Variants in PTPRT observed in about 807,000 individuals in gnomAD.
PTPRT encodes protein tyrosine phosphatase receptor type T, also known as receptor-type tyrosine-protein phosphatase T.
A neutral mutation model predicts 176.8 loss-of-function variants in PTPRT; 56 were observed. The observed-to-expected ratio is 0.32, with a 90% CI of 0.26 to 0.40. The LOEUF (loss-of-function observed/expected upper bound fraction) is 0.40. PTPRT is among the 10% of genes least tolerant of loss of function. PTPRT has a pLI of 1.00. For synonymous variants in PTPRT, 783 were observed against 739.0 expected, an observed-to-expected ratio of 1.06 and a Z score of -0.96; for missense variants, 1,540 against 1,908.2, an observed-to-expected ratio of 0.81 and a Z score of 3.60.
intron 1 of PTPRT, among the ~76,000 whole-genome samples, chr20:43,160,000 T>C (rs1209899622): frequency 6.2e-5 from 5 of 80,306 alleles, no homozygotes; most frequent in Non-Finnish European, 1.7e-4. Context: ...TACTTCCCCC[T>C]GCAAAAAAAA....
chr20:42,052,166 T>C, the PTPRT span, among the ~76,000 whole-genome samples: 65,406 of 152,070 alleles, frequency 0.43, 17,509 homozygotes, highest in African/African-American at 0.77. Context: ...GGCCTGGCAA[T>C]GGGAGCACCC....
chr20:43,084,576 T>C (rs1171734145), intron 1 of PTPRT, among the ~76,000 whole-genome samples: 2 of 152,194 alleles, frequency 1.3e-5, no homozygotes, highest in Non-Finnish European at 2.9e-5. Flanking sequence ...TCCCTCAACA[T>C]GTGCGGATTA....
rs2145870176 is a variant in PTPRT at position 42,885,803 on chromosome 20, A to G, written c.214+4T>C. 6.2e-7 allele frequency: 1 copy of G among 1,602,994 alleles called. No individual in the cohort carries two copies. The highest frequency in any genetic ancestry group is 8.5e-7 in the Non-Finnish European group (1 of 1,172,884). ...TACAGCCCCAAACATGATGGATCAC[A>G]TACCTGTGGGCACTGCCTGGTCCAG... On this transcript the variant is annotated splice_donor_region_variant and intron_variant, in intron 2 of 30. Coordinates refer to ENST00000373187, the MANE Select transcript of PTPRT (RefSeq NM_007050.6).
chr20:42,725,337 TA>T (rs1231243640), intron 6 of PTPRT, among the ~76,000 whole-genome samples: 1 of 151,878 alleles, frequency 6.6e-6, no homozygotes, highest in Non-Finnish European at 1.5e-5. Flanking sequence ...AAACATGCTG[TA>T]AAGGAAAGAG....
chr20:42,423,477 T>C (rs2059138710), intron 9 of PTPRT, among the ~76,000 whole-genome samples: 1 of 152,166 alleles, frequency 6.6e-6, no homozygotes, highest in Non-Finnish European at 1.5e-5. Flanking sequence ...CCTCATCCTG[T>C]GCCCAGGCCC....
At chr20:43,060,246 A>G (rs1987400954) in intron 1 of PTPRT, among the ~76,000 whole-genome samples, 1 of 152,010 alleles carries the variant, frequency 6.6e-6, no homozygotes, top group African/African-American at 2.4e-5. Flanking sequence ...TTTATTTCTC[A>G]CTGTTCTGGA....
At chr20:42,474,362 C>T (rs186532452) in intron 7 of PTPRT, among the ~76,000 whole-genome samples, 4 of 152,276 alleles carry the variant, frequency 2.6e-5, no homozygotes, top group East Asian at 1.9e-4. Context: ...CTTGTGTCGG[C>T]GTCCTACCAA....
At chr20:43,112,883 T>C (rs923409806) in intron 1 of PTPRT, among the ~76,000 whole-genome samples, 1 of 152,026 alleles carries the variant, frequency 6.6e-6, no homozygotes, top group Non-Finnish European at 1.5e-5. Flanking sequence ...AACTCATTCA[T>C]GATATAAACG....
At chr20:42,450,788 A>G (rs2070814078) in intron 8 of PTPRT, among the ~76,000 whole-genome samples, 1 of 152,198 alleles carries the variant, frequency 6.6e-6, no homozygotes, top group African/African-American at 2.4e-5. Flanking sequence ...TATACCAATA[A>G]CAAAGAGAGA....
intron 1 of PTPRT, among the ~76,000 whole-genome samples, chr20:43,184,314 G>C (rs575922032): frequency 6.6e-6 from 1 of 152,210 alleles, no homozygotes; most frequent in Non-Finnish European, 1.5e-5. Context: ...AGGTGCATCT[G>C]ATGGGGTTTC....
intron 17 of PTPRT, among the ~76,000 whole-genome samples, chr20:42,157,940 A>G (rs920558672): frequency 2.8e-4 from 42 of 152,038 alleles, no homozygotes; most frequent in African/African-American, 1.0e-3. Context: ...TAGGTCTTCC[A>G]GTGGACAATC....
intron 1 of PTPRT, among the ~76,000 whole-genome samples, chr20:42,894,084 C>A (rs1379441267): frequency 6.7e-6 from 1 of 148,906 alleles, no homozygotes; most frequent in Non-Finnish European, 1.5e-5. Flanking sequence ...AGGGCCAAAA[C>A]AGATGGAGAT....
intron 15 of PTPRT, among the ~76,000 whole-genome samples, chr20:42,212,668 A>G (rs2055672665): frequency 6.6e-6 from 1 of 152,172 alleles, no homozygotes; most frequent in South Asian, 2.1e-4. Flanking sequence ...GGATTAGAGT[A>G]GTACTTCCCC....
intron 1 of PTPRT, among the ~76,000 whole-genome samples, chr20:43,020,247 T>C (rs1985607991): frequency 6.8e-6 from 1 of 147,922 alleles, no homozygotes; most frequent in Non-Finnish European, 1.5e-5. Flanking sequence ...ATATTTATGT[T>C]ATATATATAT....
intron 7 of PTPRT, among the ~76,000 whole-genome samples, chr20:42,610,379 GTTT>G (rs74271793): frequency 0.13 from 17,078 of 136,442 alleles, 2,352 homozygotes; most frequent in African/African-American, 0.35. Context: ...TACTTGTTTT[GTTT>G]TTTTTTTTTG....
intron 7 of PTPRT, among the ~76,000 whole-genome samples, chr20:42,596,953 C>G (rs1316351282): frequency 6.6e-6 from 1 of 152,150 alleles, no homozygotes; most frequent in African/African-American, 2.4e-5. Flanking sequence ...TAACAAATAA[C>G]TATAAATTTA....
chr20:42,995,502 C>T (rs1181530085), intron 1 of PTPRT, among the ~76,000 whole-genome samples: 1 of 152,140 alleles, frequency 6.6e-6, no homozygotes, highest in Non-Finnish European at 1.5e-5. Context: ...CCTTAAACCC[C>T]TCCTACCTCT....
At position 43,083,350 on chromosome 20, in the gene PTPRT, A is replaced by G. The variant is rs868121552; in HGVS notation, c.88+106296T>C. 1.2e-3 allele frequency among the ~76,000 whole-genome samples: 152 copies of G among 127,132 alleles called. 7 individuals are homozygous for G. Among genetic ancestry groups the G allele is most frequent in the Middle Eastern group, 7.6e-3 (2 of 262 alleles). 83.4% of individuals were successfully genotyped at this position (127,132 alleles called of 152,430 possible). A position where few individuals can be genotyped will look rare whatever the true frequency, so the allele number is the denominator to read the frequency against. On this transcript the variant is annotated intron_variant, in intron 1 of 30. Coordinates refer to ENST00000373187, the MANE Select transcript of PTPRT (RefSeq NM_007050.6). The stretch of plus-strand genomic sequence containing the variant: ...TATATATATATATATATATATATAT[A>G]TATATATATATATATATATACATTT...
At chr20:42,674,800 C>T (rs1021311526) in intron 7 of PTPRT, among the ~76,000 whole-genome samples, 3 of 152,096 alleles carry the variant, frequency 2.0e-5, no homozygotes, top group African/African-American at 7.2e-5. Flanking sequence ...TATTTCCAAG[C>T]AACAAAAATA....
Sources: gnomAD v4.1 joint callset for allele counts (sites outside exome capture counted in the v4.1 genomes callset) on GRCh38, gnomAD v4.1.1 for gene constraint, MANE v1.5 for transcripts, NCBI Gene and HGNC (gene_info 2026-07-23, HGNC 2026-07-21) for gene names.